DHX16: variants seen among roughly 807,000 people sequenced by gnomAD.
DHX16 encodes the protein pre-mRNA-splicing factor ATP-dependent RNA helicase DHX16.
Under a neutral mutation model 131.2 loss-of-function variants are expected in DHX16, and 81 were observed. That is an observed-to-expected ratio of 0.62 (90% CI 0.52 to 0.74). DHX16 has a LOEUF of 0.74. DHX16 is among the 30% of genes least tolerant of loss of function. The probability of loss-of-function intolerance (pLI) is 0.00; values close to 1 mark genes in which losing one functional copy is unlikely to be tolerated. For synonymous variants in DHX16, 440 were observed against 520.2 expected (o/e 0.85, Z 2.10); for missense variants, 980 against 1,363.1 (o/e 0.72, Z 4.43).
rs1247744831 is a variant in DHX16 at position 30,655,305 on chromosome 6, C to T, written c.2693G>A (p.Cys898Tyr). The T allele has an allele frequency of 6.2e-7, 1 of 1,614,166 alleles. No homozygotes were observed. The highest frequency in any genetic ancestry group is 1.1e-5 in the South Asian group (1 of 91,082). Residue 898 changes from cysteine to tyrosine, a missense_variant, in exon 18 of 20, where the codon TGC becomes TAC. This residue lies in a region of DHX16 where 214 missense variants were observed against 271.2 expected (regional missense o/e 0.79). Coordinates refer to ENST00000376442, the MANE Select transcript of DHX16 (RefSeq NM_003587.5). ...WAESGYSSQW[C>Y]YENFVQFRSM... ...TCTGAACTGTACAAAGTTCTCATAG[C>T]ACCACTGGGAAGAGTAACCACTCTC...
rs769680076 is a variant in DHX16, at chr6:30,656,154, G to C, written c.2498+44C>G. The stretch of plus-strand genomic sequence containing the variant: ...GGGACCCTGGAGACAGAGGAGGCCT[G>C]GCCTGTTTGTGTGCTGGGGGCCCAG... On this transcript the variant is annotated intron_variant, in intron 16 of 19. Coordinates refer to ENST00000376442, the MANE Select transcript of DHX16 (RefSeq NM_003587.5). This position sits in a 1 kb window ranked among gnomAD's most constrained non-coding sequence, Gnocchi z 5.1. The C allele has an allele frequency of 4.4e-6, 7 of 1,587,900 alleles. No individual in the cohort carries two copies. The highest frequency in any genetic ancestry group is 1.7e-4 in the Middle Eastern group (1 of 6,020).
chr6:30,655,591 G>C lies in DHX16; in HGVS notation c.2505C>G (p.Ser835Arg), dbSNP rs1767909337. 3 of 1,613,100 alleles carry C rather than the reference G, an allele frequency of 1.9e-6. No homozygotes were observed. Among genetic ancestry groups the C allele is most frequent in the Admixed American group, 1.7e-5 (1 of 60,022 alleles). Residue 835 changes from serine (S) to arginine (R), a missense_variant, in exon 17 of 20, where the codon AGC becomes AGG. By Grantham distance (110) the Ser-to-Arg change is moderately radical. Coordinates refer to ENST00000376442, the MANE Select transcript of DHX16 (RefSeq NM_003587.5). ...SKMILASEKY[S>R]CSEEILTVAA... ...CCACTGTCAGGATCTCCTCTGAACAGCTGTACCTGGGACAGGAAGGGGAAA... is the reference window on the plus strand; with the variant it reads ...CCACTGTCAGGATCTCCTCTGAACACCTGTACCTGGGACAGGAAGGGGAAA...
intron 4 of DHX16, among the ~76,000 whole-genome samples, chr6:30,669,884 A>G: frequency 6.6e-6 from 1 of 152,108 alleles, no homozygotes; most frequent in Non-Finnish European, 1.5e-5. Flanking sequence ...CACCATAAAA[A>G]GTCCAGTTTA....
At position 30,656,377 on chromosome 6, in the gene DHX16, G is replaced by A; in HGVS notation, c.2430+14C>T. 1 of 1,613,106 alleles carries A rather than the reference G, an allele frequency of 6.2e-7. No homozygotes were observed. On this transcript the variant is annotated intron_variant, in intron 15 of 19. Coordinates refer to ENST00000376442, the MANE Select transcript of DHX16 (RefSeq NM_003587.5). The surrounding 1 kb of genome is among the most constrained non-coding windows in gnomAD (Gnocchi z 5.1). ...CTATCATCCTGCCTCCACCCATGCT[G>A]TCCCCCGACTCACCGTGGTGAGCTC...
rs1768618509 is a variant in DHX16 at position 30,662,649 on chromosome 6, C to G, written c.1522G>C (p.Glu508Gln). Reference sequence around the variant, plus strand: ...TACCTGTAACTCGCCAGGTCAGGCTCAGAGAGGAACTCCCGGAGAAGCATC... The same window carrying G: ...TACCTGTAACTCGCCAGGTCAGGCTGAGAGAGGAACTCCCGGAGAAGCATC... Reference protein sequence around the residue: ...DGMLLREFLSEPDLASYSVVM... With the variant: ...DGMLLREFLSQPDLASYSVVM... Residue 508 changes from glutamate (E) to glutamine (Q), a missense_variant, in exon 9 of 20, where the codon GAG (glutamate) becomes CAG (glutamine). Coordinates refer to ENST00000376442, the MANE Select transcript of DHX16 (RefSeq NM_003587.5). This position sits in a 1 kb window ranked among gnomAD's most constrained non-coding sequence, Gnocchi z 4.7. 2.5e-6 allele frequency: 4 copies of G among 1,612,978 alleles called. No homozygotes were observed. Among genetic ancestry groups the G allele is most frequent in the African/African-American group, 2.7e-5 (2 of 74,938 alleles).
intron 4 of DHX16, among the ~76,000 whole-genome samples, chr6:30,667,881 A>G (rs745318700): frequency 6.6e-6 from 1 of 152,242 alleles, no homozygotes; most frequent in Non-Finnish European, 1.5e-5. Context: ...ACACCACAAG[A>G]TAAGAATCAG....
Position 30,670,688 on chromosome 6 carries a change from A to G in DHX16, c.609+102T>C. 6.7e-7 allele frequency: 1 copy of G among 1,502,888 alleles called. No homozygotes were observed. The allele number at this position is 1,502,888 out of a possible 1,614,324, so 93.1% of individuals were successfully genotyped here. ...CAGAGGTGAACATCTCACTAGAGACAGCCCCTTGTCTTCCCAGAGATCACT... is the reference window on the plus strand; with the variant it reads ...CAGAGGTGAACATCTCACTAGAGACGGCCCCTTGTCTTCCCAGAGATCACT... On this transcript the variant is annotated intron_variant, in intron 3 of 19. Transcript: ENST00000376442. This position sits in a 1 kb window ranked among gnomAD's most constrained non-coding sequence, Gnocchi z 4.4.
At position 30,662,952 on chromosome 6, in the gene DHX16, C is replaced by T. The variant is rs147746362; in HGVS notation, c.1387G>A (p.Ala463Thr). The T allele has an allele frequency of 1.1e-5, 17 of 1,613,332 alleles. No individual in the cohort carries two copies. The highest frequency in any genetic ancestry group is 8.0e-5 in the African/African-American group (6 of 75,060). The change falls in exon 8 of 20, where the codon GCC becomes ACC. Residue 463 changes from alanine (A) to threonine (T), a missense_variant. Ala to Thr is a moderately conservative substitution (Grantham distance 58). Around this residue, in one of 3 missense-constraint regions of DHX16, gnomAD observed 309 missense variants for 537.1 expected, o/e 0.58. Coordinates refer to ENST00000376442, the MANE Select transcript of DHX16 (RefSeq NM_003587.5). This position sits in a 1 kb window ranked among gnomAD's most constrained non-coding sequence, Gnocchi z 4.7. ...PRRVAAMSVA[A>T]RVAREMGVKL... ...ACACCCATCTCCCGGGCCACTCGGG[C>T]GGCCACACTCATGGCAGCCACTCTC... is the stretch of plus-strand genomic sequence containing the variant.
At position 30,660,233 on chromosome 6, in the gene DHX16, C is replaced by T; in HGVS notation, c.1554G>A (p.Met518Ile). 6.5e-7 allele frequency: 1 copy of T among 1,528,650 alleles called. No individual in the cohort carries two copies. Among genetic ancestry groups the T allele is most frequent in the Non-Finnish European group, 8.8e-7 (1 of 1,137,450 alleles). The allele number at this position is 1,528,650 out of a possible 1,614,324, so 94.7% of individuals were successfully genotyped here. A position where few individuals can be genotyped will look rare whatever the true frequency, so the allele number is the denominator to read the frequency against. The change falls in exon 10 of 20, where the codon ATG (methionine) becomes ATA (isoleucine). Residue 518 changes from methionine (M) to isoleucine (I), a missense_variant. Around this residue, in one of 3 missense-constraint regions of DHX16, gnomAD observed 309 missense variants for 537.1 expected, o/e 0.58. Transcript: ENST00000376442. ...GGGTCCTTTCGTGTGCCTCATCCAC[C>T]ATCACCACGCTGGGGAGGGAATAGG... ...EPDLASYSVVMVDEAHERTLH... is the reference protein window; with the variant it reads ...EPDLASYSVVIVDEAHERTLH...
Position 30,670,657 on chromosome 6 carries a change from T to A in DHX16, c.609+133A>T. 7.4e-7 allele frequency: 1 copy of A among 1,345,626 alleles called. No homozygotes were observed. Among genetic ancestry groups the A allele is most frequent in the East Asian group, 2.3e-5 (1 of 42,676 alleles). 83.4% of individuals were successfully genotyped at this position (1,345,626 alleles called of 1,614,324 possible). On this transcript the variant is annotated intron_variant, in intron 3 of 19. Coordinates refer to ENST00000376442, the MANE Select transcript of DHX16 (RefSeq NM_003587.5). This position sits in a 1 kb window ranked among gnomAD's most constrained non-coding sequence, Gnocchi z 4.4. Reference sequence around the variant, plus strand: ...AGCCACAGGATGCACAGGGCTTCTCTCACCACAGAGGTGAACATCTCACTA... The same window carrying A: ...AGCCACAGGATGCACAGGGCTTCTCACACCACAGAGGTGAACATCTCACTA...
intron 19 of DHX16, 111 bp from the exon 20 acceptor site, chr6:30,653,481 G>T: frequency 1.6e-6 from 2 of 1,250,656 alleles, no homozygotes; most frequent in Non-Finnish European, 1.1e-6. Context: ...TGCCCAGGCT[G>T]GACTGCAGTG....
At chr6:30,658,439 G>A (rs1467371068) in intron 12 of DHX16, among the ~76,000 whole-genome samples, 1 of 151,984 alleles carries the variant, frequency 6.6e-6, no homozygotes, top group East Asian at 1.9e-4. Context: ...AGCTACTGGG[G>A]GGCTGAGACA....
In DHX16 at chr6:30,656,911, C is replaced by A. The variant is rs752596321; in HGVS notation, c.2148+41G>T. On this transcript the variant is annotated intron_variant, in intron 13 of 19. Transcript: ENST00000376442. The surrounding 1 kb of genome is among the most constrained non-coding windows in gnomAD (Gnocchi z 5.1). Reference sequence around the variant, plus strand: ...TTCTGAGTTGGACCTTCTCTGTGGGCCAACTCCACCTCCCCCACTCCCATG... The same window carrying A: ...TTCTGAGTTGGACCTTCTCTGTGGGACAACTCCACCTCCCCCACTCCCATG... The A allele has an allele frequency of 2.5e-6, 4 of 1,597,764 alleles. No individual in the cohort carries two copies. Among genetic ancestry groups the A allele is most frequent in the African/African-American group, 2.7e-5 (2 of 74,836 alleles).
At chr6:30,655,067 G>A (rs1767844634) in intron 18 of DHX16, 108 bp downstream of exon 18, 3 of 1,493,216 alleles carry the variant, frequency 2.0e-6, no homozygotes, top group Non-Finnish European at 9.2e-7. Flanking sequence ...CATACACAAG[G>A]GGAAGAGGGC....
intron 4 of DHX16, among the ~76,000 whole-genome samples, chr6:30,669,383 G>A (rs553773885): frequency 2.6e-5 from 4 of 151,914 alleles, no homozygotes; most frequent in Non-Finnish European, 4.4e-5. Context: ...AGCTGAGATC[G>A]CACCACCACA....
rs1768276565 is a variant in DHX16, at chr6:30,659,466, A to G, written c.2007+6T>C. ...GGGGTGAAGAGTGTGGGTTTCTCCAACTGACCTTTCGTGCCCCAGGTGGTG... is the reference window on the plus strand; with the variant it reads ...GGGGTGAAGAGTGTGGGTTTCTCCAGCTGACCTTTCGTGCCCCAGGTGGTG... On this transcript the variant is annotated splice_donor_region_variant and intron_variant, in intron 12 of 19. Transcript: ENST00000376442. 2 of 1,582,638 alleles carry G rather than the reference A, an allele frequency of 1.3e-6. No homozygotes were observed. The highest frequency in any genetic ancestry group is 1.7e-6 in the Non-Finnish European group (2 of 1,164,708).
At chr6:30,661,998 C>A in intron 9 of DHX16, 1 of 641,888 alleles carries the variant, frequency 1.6e-6, no homozygotes, top group Non-Finnish European at 2.9e-6. Context: ...CCTGACCCCA[C>A]CCCCATTACA....
chr6:30,658,455 A>C (rs1177273233), intron 12 of DHX16, among the ~76,000 whole-genome samples: 1 of 151,858 alleles, frequency 6.6e-6, no homozygotes, highest in Non-Finnish European at 1.5e-5. Context: ...AGACAGGAGA[A>C]TCGCTTGAAC....
intron 7 of DHX16, 24 bp downstream of exon 7, chr6:30,664,777 A>T: frequency 6.3e-7 from 1 of 1,592,138 alleles, no homozygotes; most frequent in Non-Finnish European, 8.6e-7. Context: ...TGCCCTGGCA[A>T]GCTGAAGGGT....
Sources: gnomAD v4.1 joint callset for allele counts (sites outside exome capture counted in the v4.1 genomes callset) on GRCh38, gnomAD v4.1.1 for gene constraint, gnomAD v4.1.1 regional missense constraint, Gnocchi (gnomAD v3.1) non-coding constraint, MANE v1.5 for transcripts, NCBI Gene and HGNC (gene_info 2026-07-23, HGNC 2026-07-21) for gene names.